RNF213: variants seen among roughly 807,000 people sequenced by gnomAD.
RNF213 encodes E3 ubiquitin-protein ligase RNF213.
In RNF213, 341 loss-of-function variants were observed where a neutral mutation model predicts 514.4. The ratio of observed to expected loss-of-function variants is 0.66; its 90% CI spans 0.61 to 0.73. The LOEUF is 0.73. RNF213 is among the 30% of genes least tolerant of loss of function. The probability of loss-of-function intolerance (pLI) is 0.00; values close to 1 mark genes in which losing one functional copy is unlikely to be tolerated. For synonymous variants in RNF213, 2,655 were observed against 2,658.2 expected, an observed-to-expected ratio of 1.00 and a Z score of 0.04; for missense variants, 5,767 against 6,615.6, an observed-to-expected ratio of 0.87 and a Z score of 4.45.
At chr17:80,297,001 C>A (rs117335306) in intron 10 of RNF213, among the ~76,000 whole-genome samples, 7,824 of 151,540 alleles carry the variant, frequency 0.052, 252 homozygotes, top group Non-Finnish European at 0.076. Flanking sequence ...TAAAAAACAA[C>A]CAAATAAACG....
chr17:80,371,957 T>C lies in RNF213; in HGVS notation c.12509T>C (p.Leu4170Pro), dbSNP rs1174473780. ...KAFITEDKTE[L>P]YMLFINCLED... ...TTCATAACTGAAGATAAAACTGAAC[T>C]GTACATGCTCTTCATCAACTGCCTG... The change falls in exon 47 of 68, where the codon CTG becomes CCG. Residue 4170 changes from leucine (L) to proline (P), a missense_variant. Physicochemically the swap from Leu to Pro is moderately conservative, Grantham distance 98. Coordinates refer to ENST00000582970, the MANE Select transcript of RNF213 (RefSeq NM_001256071.3). 4 of 1,593,574 alleles carry C rather than the reference T, an allele frequency of 2.5e-6. No homozygotes were observed. The highest frequency in any genetic ancestry group is 3.4e-6 in the Non-Finnish European group (4 of 1,161,360).
rs1033213223 is a variant in RNF213, at chr17:80,348,212, C to T, written c.9877C>T (p.His3293Tyr). 5 of 1,613,928 alleles carry T rather than the reference C, an allele frequency of 3.1e-6. No individual in the cohort carries two copies. Among genetic ancestry groups the T allele is most frequent in the Non-Finnish European group, 4.2e-6 (5 of 1,180,048 alleles). ...GCAGGAGTACTTTCACAGACAGAGG[C>T]ACAACTCCTTTGCAGATTTCCTTCA... ...LSQEYFHRQR[H>Y]NSFADFLQAH... is the part of the protein sequence containing the mutation. Residue 3293 changes from histidine (H) to tyrosine (Y), a missense_variant, in exon 29 of 68, where the codon CAC becomes TAC. By Grantham distance (83) the His-to-Tyr change is moderately conservative. Transcript: ENST00000582970.
At chr17:80,330,827 C>CT (rs2046393822) in intron 20 of RNF213, among the ~76,000 whole-genome samples, 1 of 151,970 alleles carries the variant, frequency 6.6e-6, no homozygotes, top group Non-Finnish European at 1.5e-5. Context: ...TGGACCATGT[C>CT]TTTTTTTTGG....
chr17:80,377,919 A>G lies in RNF213; in HGVS notation c.13545+123A>G. 8.7e-7 allele frequency: 1 copy of G among 1,146,614 alleles called. No homozygotes were observed. The highest frequency in any genetic ancestry group is 1.3e-6 in the Non-Finnish European group (1 of 756,802). The allele number at this position is 1,146,614 out of a possible 1,614,324, so 71.0% of individuals were successfully genotyped here. On this transcript the variant is annotated intron_variant, in intron 54 of 67. Transcript: ENST00000582970. This position sits in a 1 kb window ranked among gnomAD's most constrained non-coding sequence, Gnocchi z 4.1. ...CCAGGAGAGCACAGGCTCACCGAGG[A>G]CTGCCCAGGGTGCTCTGAGCAGGGC... is the stretch of plus-strand genomic sequence containing the variant.
Position 80,264,810 on chromosome 17 carries a change from G to A in RNF213, c.97+1032G>A, listed in dbSNP as rs1239870359. 1.3e-5 allele frequency among the ~76,000 whole-genome samples: 2 copies of A among 152,026 alleles called. No individual in the cohort carries two copies. The highest frequency in any genetic ancestry group is 6.6e-5 in the Admixed American group (1 of 15,254). On this transcript the variant is annotated intron_variant, in intron 2 of 67. Coordinates refer to ENST00000582970, the MANE Select transcript of RNF213 (RefSeq NM_001256071.3). This position sits in a 1 kb window ranked among gnomAD's most constrained non-coding sequence, Gnocchi z 5.0. ...GGTGGCCACGAGGTCCTACATAGAC[G>A]GCTGCCCACCCCATTCCTCTTGGCT...
At position 80,346,244 on chromosome 17, in the gene RNF213, A is replaced by T. The variant is rs2078306624; in HGVS notation, c.7909A>T (p.Ser2637Cys). 1.2e-6 allele frequency: 2 copies of T among 1,614,044 alleles called. No homozygotes were observed. Among genetic ancestry groups the T allele is most frequent in the Non-Finnish European group, 1.7e-6 (2 of 1,180,052 alleles). The change falls in exon 29 of 68, where the codon AGC (serine) becomes TGC (cysteine). Residue 2637 changes from serine (S) to cysteine (C), a missense_variant. This residue lies in a region of RNF213 where 1,377 missense variants were observed against 1,635.2 expected (regional missense o/e 0.84). Coordinates refer to ENST00000582970, the MANE Select transcript of RNF213 (RefSeq NM_001256071.3). This position sits in a 1 kb window ranked among gnomAD's most constrained non-coding sequence, Gnocchi z 8.1. Reference protein sequence around the residue: ...RKTEDECSFVSLRDVERCVKV... With the variant: ...RKTEDECSFVCLRDVERCVKV... ...AACAGAAGATGAGTGCAGCTTTGTC[A>T]GCCTCAGGGACGTGGAGCGCTGTGT...
chr17:80,293,619 C>G (rs971470089), intron 8 of RNF213, among the ~76,000 whole-genome samples: 12 of 151,730 alleles, frequency 7.9e-5, no homozygotes, highest in Admixed American at 5.3e-4. Flanking sequence ...GTCAGGAGAT[C>G]AAGACCATCC....
At chr17:80,385,390 G>A (rs1235784031) in intron 60 of RNF213, 148 bp from the exon 61 acceptor site, 3 of 881,408 alleles carry the variant, frequency 3.4e-6, no homozygotes, top group Non-Finnish European at 5.6e-6. Flanking sequence ...CCTCAAACTC[G>A]GCTCACTCCT....
intron 13 of RNF213, among the ~76,000 whole-genome samples, chr17:80,308,340 CT>C (rs1452839947): frequency 6.6e-6 from 1 of 152,110 alleles, no homozygotes; most frequent in Non-Finnish European, 1.5e-5. Context: ...CTTACACCGC[CT>C]TCCCAGTCCC....
chr17:80,272,909 GCT>G lies in RNF213; in HGVS notation c.98-329_98-328del, dbSNP rs564628562. Among the ~76,000 whole-genome samples, 276 of 152,292 alleles carry G rather than the reference GCT, an allele frequency of 1.8e-3. 1 individual carries two copies. The highest frequency in any genetic ancestry group is 0.018 in the South Asian group (87 of 4,820). On this transcript the variant is annotated intron_variant, in intron 2 of 67. Coordinates refer to ENST00000582970, the MANE Select transcript of RNF213 (RefSeq NM_001256071.3). ...ACAGTAGGGGAGGAAAGCGTAACAG[GCT>G]CTGTTTTAGAGGTGCCCGAGGTGCG...
At chr17:80,314,297 G>GGTGGTC (rs2045747925) in intron 15 of RNF213, among the ~76,000 whole-genome samples, 1 of 92,388 alleles carries the variant, frequency 1.1e-5, no homozygotes, top group Non-Finnish European at 2.1e-5. Context: ...AGGTGATGGT[G>GGTGGTC]GTGGACGTGA....
intron 17 of RNF213, among the ~76,000 whole-genome samples, chr17:80,323,066 A>T (rs1026201447): frequency 6.6e-6 from 1 of 152,234 alleles, no homozygotes; most frequent in East Asian, 1.9e-4. Context: ...TATATGGTGT[A>T]TATGGTGTGA....
In RNF213 at chr17:80,287,929, C is replaced by T. The variant is rs868525280; in HGVS notation, c.376C>T (p.Pro126Ser). The T allele has an allele frequency of 1.9e-6, 3 of 1,570,872 alleles. No individual in the cohort carries two copies. In the South Asian group the frequency reaches 3.5e-5, roughly 18 times the overall value. ...SPCHLTLLSN[P>S]WPQDTALPHS... The stretch of plus-strand genomic sequence containing the variant: ...CTGTCACCTGACTTTGCTTTCAAAC[C>T]CGTGGCCTCAGGACACAGCCCTGCC... The change falls in exon 4 of 68, where the codon CCG (proline) becomes TCG (serine). Residue 126 changes from proline (P) to serine (S), a missense_variant. Transcript: ENST00000582970.
At position 80,340,078 on chromosome 17, in the gene RNF213, T is replaced by C; in HGVS notation, c.5711T>C (p.Val1904Ala). The change falls in exon 26 of 68, where the codon GTG becomes GCG. Residue 1904 changes from valine (V) to alanine (A), a missense_variant. Val to Ala is a moderately conservative substitution (Grantham distance 64). Coordinates refer to ENST00000582970, the MANE Select transcript of RNF213 (RefSeq NM_001256071.3). ...LLFADQLSYE[V>A]ARQAEELFHN... The stretch of plus-strand genomic sequence containing the variant: ...TTCGCAGATCAGCTGAGCTACGAGG[T>C]GGCACGCCAAGCGGAGGAGCTTTTC... 1 of 1,596,482 alleles carries C rather than the reference T, an allele frequency of 6.3e-7. No individual in the cohort carries two copies. Among genetic ancestry groups the C allele is most frequent in the Non-Finnish European group, 8.5e-7 (1 of 1,173,966 alleles).
At chr17:80,277,777 G>A (rs565827982) in intron 3 of RNF213, among the ~76,000 whole-genome samples, 41 of 152,306 alleles carry the variant, frequency 2.7e-4, no homozygotes, top group African/African-American at 9.4e-4. Context: ...CAGTGTATGC[G>A]TGAACGGTGC....
chr17:80,385,167 C>T lies in RNF213; in HGVS notation c.14451C>T (p.Ser4817=). 1 of 1,614,160 alleles carries T rather than the reference C, an allele frequency of 6.2e-7. No individual in the cohort carries two copies. The highest frequency in any genetic ancestry group is 8.5e-7 in the Non-Finnish European group (1 of 1,180,020). Residue 4817 remains serine, a synonymous_variant, in exon 60 of 68, where the codon AGC becomes AGT. Transcript: ENST00000582970. ...SSIRGFLSKH[S]SDGLRQLLHN... ...TCAGAGGCTTCCTCAGCAAGCACAG[C>T]TCAGGTGTGGCTCTGCTCTGACAGG...
At chr17:80,391,921 C>A (rs2080490312) in intron 67 of RNF213, among the ~76,000 whole-genome samples, 1 of 151,846 alleles carries the variant, frequency 6.6e-6, no homozygotes, top group Non-Finnish European at 1.5e-5. Flanking sequence ...CAGGCATGCA[C>A]CTGCCCGGCT....
At chr17:80,277,770 T>C (rs1476538461) in intron 3 of RNF213, among the ~76,000 whole-genome samples, 3 of 152,142 alleles carry the variant, frequency 2.0e-5, no homozygotes, top group Admixed American at 6.6e-5. Flanking sequence ...CTGAGAGCAG[T>C]GTATGCGTGA....
chr17:80,336,106 G>A (rs1447204703), intron 22 of RNF213, 55 bp from the exon 23 acceptor site: 1 of 1,413,716 alleles, frequency 7.1e-7, no homozygotes, highest in East Asian at 2.5e-5. Context: ...CCAAGACCGA[G>A]TCTTGTGCTA....
Sources: allele counts gnomAD v4.1 joint callset (sites outside exome capture counted in the v4.1 genomes callset), GRCh38; gene constraint gnomAD v4.1.1; regional missense constraint gnomAD v4.1.1; non-coding constraint Gnocchi (gnomAD v3.1); transcripts MANE v1.5; gene names NCBI Gene and HGNC (gene_info 2026-07-23, HGNC 2026-07-21).